The following ATP6V1H variants were observed in gnomAD, a reference collection of about 807,000 sequenced individuals.
ATP6V1H encodes ATPase H+ transporting V1 subunit H.
In ATP6V1H, 39 loss-of-function variants were observed where a neutral mutation model predicts 71.7. The observed-to-expected ratio is 0.54, with a 90% CI of 0.42 to 0.71. The LOEUF is 0.71. ATP6V1H is among the 30% of genes least tolerant of loss of function. The pLI, the probability that ATP6V1H is intolerant of heterozygous loss-of-function variation, is 0.00. For missense variants in ATP6V1H, 509 were observed against 594.9 expected (o/e 0.86, Z 1.50); for synonymous variants, 192 against 199.3 (o/e 0.96, Z 0.31).
intron 11 of ATP6V1H, among the ~76,000 whole-genome samples, chr8:53,764,629 G>A (rs1003307421): frequency 6.6e-6 from 1 of 152,052 alleles, no homozygotes; most frequent in African/African-American, 2.4e-5. Context: ...AGCAACGCAA[G>A]GATGTACCCT....
intron 2 of ATP6V1H, among the ~76,000 whole-genome samples, chr8:53,836,051 C>T (rs573422937): frequency 6.6e-6 from 1 of 152,268 alleles, no homozygotes; most frequent in African/African-American, 2.4e-5. Flanking sequence ...GACACTTTGC[C>T]CACTTTCCAT....
At chr8:53,730,358 C>T (rs904393534) in intron 13 of ATP6V1H, among the ~76,000 whole-genome samples, 2 of 152,240 alleles carry the variant, frequency 1.3e-5, no homozygotes, top group Non-Finnish European at 2.9e-5. Context: ...GATATTCTCA[C>T]TAGCAGTATC....
At chr8:53,811,937 T>C (rs965451581) in intron 6 of ATP6V1H, among the ~76,000 whole-genome samples, 28 of 152,148 alleles carry the variant, frequency 1.8e-4, no homozygotes, top group Non-Finnish European at 2.9e-4. Context: ...ACTTGGACTT[T>C]TGAAAGTTTA....
intron 11 of ATP6V1H, among the ~76,000 whole-genome samples, chr8:53,762,636 T>C (rs1236379574): frequency 1.3e-5 from 2 of 151,744 alleles, no homozygotes; most frequent in Non-Finnish European, 2.9e-5. Context: ...AAATAGATGA[T>C]GGAATAGAAC....
At chr8:53,800,211 C>G (rs1809864422) in intron 8 of ATP6V1H, among the ~76,000 whole-genome samples, 1 of 152,160 alleles carries the variant, frequency 6.6e-6, no homozygotes. Context: ...GTGGATTCCT[C>G]CATACTCAGC....
chr8:53,837,006 T>A (rs565821654), intron 2 of ATP6V1H, among the ~76,000 whole-genome samples: 1 of 151,944 alleles, frequency 6.6e-6, no homozygotes, highest in Non-Finnish European at 1.5e-5. Context: ...CCAGGCGAGG[T>A]GGCAGGTGCC....
chr8:53,784,558 G>T (rs989813577), intron 9 of ATP6V1H, among the ~76,000 whole-genome samples: 1 of 152,196 alleles, frequency 6.6e-6, no homozygotes, highest in Non-Finnish European at 1.5e-5. Flanking sequence ...ATATTGTTAT[G>T]TGTGAATTTG....
intron 11 of ATP6V1H, among the ~76,000 whole-genome samples, chr8:53,757,214 C>CCTTCTGGTTGTATTGG (rs1563452047): frequency 1.9e-4 from 29 of 152,302 alleles, no homozygotes; most frequent in Non-Finnish European, 2.2e-4. Flanking sequence ...GTACTTTCTC[C>CCTTCTGGTTGTATTGG]AATACAACCA....
chr8:53,746,656 G>A (rs1472657355), intron 12 of ATP6V1H, among the ~76,000 whole-genome samples: 3 of 150,894 alleles, frequency 2.0e-5, no homozygotes, highest in Admixed American at 1.3e-4. Context: ...GGATGATCTC[G>A]CCCCACTGAA....
intron 12 of ATP6V1H, among the ~76,000 whole-genome samples, chr8:53,749,784 A>G (rs573964281): frequency 6.6e-6 from 1 of 152,072 alleles, no homozygotes; most frequent in Admixed American, 6.5e-5. Context: ...GCCATGTAAG[A>G]GAGTCTGATA....
chr8:53,755,717 TATATATATATATATATATATATATATA>T (rs1563451115), intron 12 of ATP6V1H, among the ~76,000 whole-genome samples: 309 of 7,236 alleles, frequency 0.043, 7 homozygotes, highest in Non-Finnish European at 0.058. Flanking sequence ...TATATATATA[TATATATATATATATATATATATATATA>T]TTTTTTTTTT....
At chr8:53,804,909 TA>T (rs1810028928) in intron 7 of ATP6V1H, among the ~76,000 whole-genome samples, 2 of 152,194 alleles carry the variant, frequency 1.3e-5, no homozygotes, top group Non-Finnish European at 2.9e-5. Context: ...TGCAAGCTCT[TA>T]CTATATTACA....
chr8:53,824,310 C>T (rs1438342791), intron 4 of ATP6V1H, among the ~76,000 whole-genome samples: 1 of 152,070 alleles, frequency 6.6e-6, no homozygotes, highest in Non-Finnish European at 1.5e-5. Context: ...CCTTGTAGTC[C>T]TAATGCTAAA....
chr8:53,767,961 T>C (rs1230363800), intron 11 of ATP6V1H, among the ~76,000 whole-genome samples: 1 of 152,180 alleles, frequency 6.6e-6, no homozygotes. Context: ...TTTAAAACTT[T>C]TGTGCTTCAA....
intron 9 of ATP6V1H, among the ~76,000 whole-genome samples, chr8:53,779,109 T>C (rs1205041618): frequency 1.3e-5 from 2 of 152,176 alleles, no homozygotes; most frequent in Non-Finnish European, 2.9e-5. Flanking sequence ...CTAGAGATTT[T>C]AACAGCTCTC....
At chr8:53,723,694 CCTT>C (rs1333837033) in intron 13 of ATP6V1H, among the ~76,000 whole-genome samples, 1 of 152,202 alleles carries the variant, frequency 6.6e-6, no homozygotes, top group African/African-American at 2.4e-5. Flanking sequence ...CACACTTCCT[CCTT>C]CTGTTCACAG....
intron 4 of ATP6V1H, among the ~76,000 whole-genome samples, chr8:53,819,658 G>A (rs113718691): frequency 7.2e-5 from 7 of 97,526 alleles, no homozygotes; most frequent in South Asian, 3.2e-4. Flanking sequence ...ATGTATATAC[G>A]TATATACATA....
intron 4 of ATP6V1H, among the ~76,000 whole-genome samples, chr8:53,828,359 C>T (rs545398140): frequency 6.6e-6 from 1 of 152,238 alleles, no homozygotes; most frequent in East Asian, 1.9e-4. Flanking sequence ...TGTGGTGCTG[C>T]GCTGAAATGT....
intron 9 of ATP6V1H, among the ~76,000 whole-genome samples, chr8:53,774,109 TTGAAGAA>T (rs1808777174): frequency 6.6e-6 from 1 of 152,222 alleles, no homozygotes; most frequent in African/African-American, 2.4e-5. Flanking sequence ...GATATTTTAT[TTGAAGAA>T]ATAATGGCTG....
Sources: allele counts gnomAD v4.1 joint callset (sites outside exome capture counted in the v4.1 genomes callset), GRCh38; gene constraint gnomAD v4.1.1; transcripts MANE v1.5; gene names NCBI Gene and HGNC (gene_info 2026-07-23, HGNC 2026-07-21).